The following SRRM4 variants were observed in gnomAD, a reference collection of about 807,000 sequenced individuals.
SRRM4 encodes the protein serine/arginine repetitive matrix protein 4.
Under a neutral mutation model 68.9 loss-of-function variants are expected in SRRM4, and 33 were observed. The ratio of observed to expected loss-of-function variants is 0.48; its 90% confidence interval spans 0.36 to 0.64. SRRM4 has a LOEUF of 0.64. Among genes scored for constraint, SRRM4 ranks in the 30% least tolerant of loss-of-function variants. The probability of loss-of-function intolerance (pLI) is 0.00; values close to 1 mark genes in which losing one functional copy is unlikely to be tolerated. For missense variants in SRRM4, 817 were observed against 827.1 expected (o/e 0.99, Z 0.15); for synonymous variants, 318 against 318.8 (o/e 1.00, Z 0.03).
Position 119,125,490 on chromosome 12 carries a change from G to T in SRRM4, c.614+11G>T, listed in dbSNP as rs1328732483. 22 of 1,607,712 alleles carry T rather than the reference G, an allele frequency of 1.4e-5. No homozygotes were observed. Among genetic ancestry groups the T allele is most frequent in the Non-Finnish European group, 1.9e-5 (22 of 1,176,096 alleles). On this transcript the variant is annotated intron_variant, in intron 7 of 12. Coordinates refer to ENST00000267260, the MANE Select transcript of SRRM4 (RefSeq NM_194286.4). Reference sequence around the variant, plus strand: ...AAGCTGTGAGAGCAGGTAACCCCTTGCCCCAGGATCCTCTTCTGTCAGCCA... The same window carrying T: ...AAGCTGTGAGAGCAGGTAACCCCTTTCCCCAGGATCCTCTTCTGTCAGCCA...
intron 6 of SRRM4, among the ~76,000 whole-genome samples, chr12:119,122,956 A>C (rs1954232159): frequency 1.3e-5 from 2 of 152,232 alleles, no homozygotes; most frequent in African/African-American, 4.8e-5. Flanking sequence ...AATTCAAATC[A>C]GCCACTGCTG....
At chr12:119,126,760 G>A (rs7310845) in intron 7 of SRRM4, among the ~76,000 whole-genome samples, 20,120 of 151,580 alleles carry the variant, frequency 0.13, 1,607 homozygotes, top group African/African-American at 0.21. Flanking sequence ...ACATGCACAC[G>A]TATGTTTATT....
intron 1 of SRRM4, among the ~76,000 whole-genome samples, chr12:119,050,336 T>C (rs927147481): frequency 2.6e-5 from 4 of 152,230 alleles, no homozygotes; most frequent in Non-Finnish European, 5.9e-5. Flanking sequence ...GTAGTTGTGA[T>C]CACCTACATG....
At chr12:119,128,976 G>A (rs139272140) in intron 7 of SRRM4, among the ~76,000 whole-genome samples, 173 of 152,324 alleles carry the variant, frequency 1.1e-3, no homozygotes, top group Admixed American at 2.5e-3. Flanking sequence ...GAGCTGGCAC[G>A]CAGGTTACAC....
intron 1 of SRRM4, among the ~76,000 whole-genome samples, chr12:118,990,172 C>G (rs1193623218): frequency 6.6e-6 from 1 of 152,148 alleles, no homozygotes; most frequent in Non-Finnish European, 1.5e-5. Flanking sequence ...TGCTCACAGA[C>G]ACATGGCTGG....
intron 2 of SRRM4, among the ~76,000 whole-genome samples, chr12:119,110,502 T>A (rs111782398): frequency 0.017 from 2,513 of 152,296 alleles, 69 homozygotes; most frequent in African/African-American, 0.057. Flanking sequence ...CCACTTTGTT[T>A]ACCTACTTAA....
At chr12:119,065,119 C>T (rs966146708) in intron 1 of SRRM4, among the ~76,000 whole-genome samples, 1 of 152,260 alleles carries the variant, frequency 6.6e-6, no homozygotes, top group African/African-American at 2.4e-5. Flanking sequence ...TTGAGGCTCA[C>T]AGAAGTAGGT....
intron 8 of SRRM4, among the ~76,000 whole-genome samples, chr12:119,131,557 A>G (rs749663482): frequency 7.9e-5 from 12 of 152,248 alleles, no homozygotes; most frequent in South Asian, 2.1e-4. Context: ...GTCAACAAGG[A>G]CAAGCTGGAA....
In SRRM4 at chr12:119,119,805, A is replaced by G. The variant is rs147405513; in HGVS notation, c.438-445A>G. Among the ~76,000 whole-genome samples, 342 of 152,128 alleles carry G rather than the reference A, an allele frequency of 2.2e-3. 3 individuals carry two copies. Among genetic ancestry groups the G allele is most frequent in the African/African-American group, 7.7e-3 (319 of 41,496 alleles). On this transcript the variant is annotated intron_variant, in intron 4 of 12. Transcript: ENST00000267260. ...CACAACAAGGGAGAGAGAAGATGAG[A>G]TGGAGAATGGAGGAGGGGAAAGGCA...
chr12:119,045,802 C>A (rs61937978), intron 1 of SRRM4, among the ~76,000 whole-genome samples: 17,855 of 151,980 alleles, frequency 0.12, 1,149 homozygotes, highest in East Asian at 0.21. Context: ...CTTTGGGAGG[C>A]CAAGGTGGGC....
chr12:119,144,098 A>G (rs1205815308), intron 8 of SRRM4, among the ~76,000 whole-genome samples: 3 of 151,502 alleles, frequency 2.0e-5, no homozygotes, highest in South Asian at 4.2e-4. Flanking sequence ...TTACTCCTTC[A>G]TTGGTCCTAG....
At position 119,081,777 on chromosome 12, in the gene SRRM4, T is replaced by C. The variant is rs555687921; in HGVS notation, c.132-20459T>C. Among the ~76,000 whole-genome samples the C allele has an allele frequency of 1.4e-4, 22 of 152,254 alleles. No homozygotes were observed. The South Asian group carries it at 4.6e-3, about 32-fold the overall frequency. On this transcript the variant is annotated intron_variant, in intron 1 of 12. Transcript: ENST00000267260. ...CTAGCCATGTACATGAGAGAAGTGA[T>C]TGGATTCTGAATGTACTTTGAAGTT...
At chr12:119,035,525 C>T (rs1477351600) in intron 1 of SRRM4, among the ~76,000 whole-genome samples, 1 of 152,162 alleles carries the variant, frequency 6.6e-6, no homozygotes, top group Admixed American at 6.5e-5. Context: ...TGAATCCATG[C>T]TCTGTATCTT....
chr12:119,102,949 T>G (rs905234556), intron 2 of SRRM4, among the ~76,000 whole-genome samples: 3 of 152,238 alleles, frequency 2.0e-5, no homozygotes, highest in African/African-American at 7.2e-5. Context: ...AGCATTTTAC[T>G]GAGGCTGGGA....
At chr12:119,002,579 T>C (rs1432207298) in intron 1 of SRRM4, among the ~76,000 whole-genome samples, 1 of 152,228 alleles carries the variant, frequency 6.6e-6, no homozygotes, top group Non-Finnish European at 1.5e-5. Context: ...TTCCCATTTG[T>C]GGGGCAAACA....
intron 5 of SRRM4, 107 bp downstream of exon 5, chr12:119,120,383 C>T: frequency 8.5e-7 from 1 of 1,174,622 alleles, no homozygotes. Context: ...TTAGGCATGA[C>T]CCCTTCATCT....
intron 7 of SRRM4, among the ~76,000 whole-genome samples, chr12:119,130,126 T>A (rs1565915447): frequency 6.6e-6 from 1 of 151,778 alleles, no homozygotes; most frequent in Non-Finnish European, 1.5e-5. Flanking sequence ...GATGGATGGA[T>A]GGATGAGTGG....
chr12:119,133,720 A>G lies in SRRM4; in HGVS notation c.771+2886A>G, dbSNP rs537566772. The stretch of plus-strand genomic sequence containing the variant: ...ACAGCAGAGTCATTTTCATTGAATC[A>G]CCTGTCTGATCATTCATTTAAGTCT... On this transcript the variant is annotated intron_variant, in intron 8 of 12. Transcript: ENST00000267260. 3.3e-5 allele frequency among the ~76,000 whole-genome samples: 5 copies of G among 152,322 alleles called. No homozygotes were observed. In the South Asian group the frequency reaches 1.0e-3, roughly 32 times the overall value.
intron 1 of SRRM4, among the ~76,000 whole-genome samples, chr12:119,033,939 T>C (rs539021683): frequency 1.8e-4 from 27 of 152,322 alleles, no homozygotes; most frequent in African/African-American, 6.5e-4. Flanking sequence ...CATACATTCA[T>C]ATATATCCTT....
Sources: gnomAD v4.1 joint callset for allele counts (sites outside exome capture counted in the v4.1 genomes callset) on GRCh38, gnomAD v4.1.1 for gene constraint, MANE v1.5 for transcripts, NCBI Gene and HGNC (gene_info 2026-07-23, HGNC 2026-07-21) for gene names.